ATP6V1C2: variants seen among roughly 807,000 people sequenced by gnomAD.
ATP6V1C2 encodes the protein V-type proton ATPase subunit C 2.
ATP6V1C2 carries 45 observed loss-of-function variants against 56.8 expected under a neutral mutation model. The ratio of observed to expected loss-of-function variants is 0.79; its 90% CI spans 0.62 to 1.02. The LOEUF (loss-of-function observed/expected upper bound fraction) is 1.02. Ranked by LOEUF, ATP6V1C2 falls within the 50% of genes least tolerant of loss-of-function variation. The probability of loss-of-function intolerance (pLI) is 0.00; values close to 1 mark genes in which losing one functional copy is unlikely to be tolerated. For synonymous variants in ATP6V1C2, 220 were observed against 201.3 expected, an observed-to-expected ratio of 1.09 and a Z score of -0.79; for missense variants, 463 against 519.7, an observed-to-expected ratio of 0.89 and a Z score of 1.06.
At position 10,772,555 on chromosome 2, in the gene ATP6V1C2, C is replaced by T. The variant is rs1664691229; in HGVS notation, c.583C>T (p.Gln195Ter). The change falls in exon 8 of 14, where the codon CAA becomes TAA. Residue 195 changes from glutamine to a stop codon, truncating the protein, a stop_gained. Coordinates refer to ENST00000272238, the MANE Select transcript of ATP6V1C2 (RefSeq NM_001039362.2). LOFTEE classifies it high-confidence loss of function. ...LVIVPKPNYS[Q>*]WQKTYESLSD... ...ATGTTCTTGCAGACCAAACTACTCA[C>T]AATGGCAAAAAACCTACGAATCTCT... 1.2e-6 allele frequency: 2 copies of T among 1,614,024 alleles called. No homozygotes were observed. The highest frequency in any genetic ancestry group is 2.2e-5 in the East Asian group (1 of 44,874).
intron 11 of ATP6V1C2, chr2:10,778,347 C>T (rs1297364059): frequency 1.4e-5 from 8 of 558,346 alleles, no homozygotes; most frequent in South Asian, 4.0e-5. Flanking sequence ...GTGGTGGCCC[C>T]GTGCATGCAC....
intron 3 of ATP6V1C2, among the ~76,000 whole-genome samples, chr2:10,753,732 T>C (rs1260264187): frequency 1.3e-5 from 2 of 152,082 alleles, no homozygotes; most frequent in Non-Finnish European, 1.5e-5. Context: ...GGTTTCACCA[T>C]GTTGGCCAGG....
chr2:10,721,570 T>G (rs74171495), upstream of ATP6V1C2: 143,896 of 152,040 alleles, frequency 0.95, 68,592 homozygotes, highest in East Asian at 1. Context: ...GCAAATATCC[T>G]GCGGGGCCGG....
chr2:10,737,923 A>G (rs1662346896), intron 3 of ATP6V1C2, among the ~76,000 whole-genome samples: 1 of 152,108 alleles, frequency 6.6e-6, no homozygotes, highest in Admixed American at 6.6e-5. Context: ...CGAACTCCTG[A>G]CCTCAAGTGA....
In ATP6V1C2 at chr2:10,726,559, T is replaced by C; in HGVS notation, c.187T>C (p.Phe63Leu). Residue 63 changes from phenylalanine to leucine, a missense_variant, in exon 3 of 14, where the codon TTT (phenylalanine) becomes CTT (leucine). By Grantham distance (22) the Phe-to-Leu change is conservative. Transcript: ENST00000272238. The part of the protein sequence containing the change: ...LSDELGKLDT[F>L]AESLIRRMAQ... The stretch of plus-strand genomic sequence containing the variant: ...TGATGAGTTGGGGAAACTCGACACC[T>C]TTGCTGAAAGGTAAAATATTCCTTA... The C allele has an allele frequency of 6.2e-7, 1 of 1,613,514 alleles. No homozygotes were observed. The highest frequency in any genetic ancestry group is 8.5e-7 in the Non-Finnish European group (1 of 1,179,420).
At chr2:10,731,587 A>C (rs1661954885) in intron 3 of ATP6V1C2, among the ~76,000 whole-genome samples, 1 of 152,228 alleles carries the variant, frequency 6.6e-6, no homozygotes, top group African/African-American at 2.4e-5. Flanking sequence ...AGAACAGCCC[A>C]CTGCCCTAGG....
At chr2:10,726,005 A>G (rs1239438441) in intron 2 of ATP6V1C2, among the ~76,000 whole-genome samples, 1 of 151,982 alleles carries the variant, frequency 6.6e-6, no homozygotes, top group Non-Finnish European at 1.5e-5. Context: ...ACTTGAATCC[A>G]GGAGGCGGAG....
intron 5 of ATP6V1C2, among the ~76,000 whole-genome samples, chr2:10,766,814 ACTT>A (rs944098806): frequency 9.2e-5 from 14 of 152,078 alleles, no homozygotes; most frequent in African/African-American, 3.4e-4. Context: ...TGTACAGTAT[ACTT>A]CTATCGTGCA....
rs1665265409 is a variant in ATP6V1C2, at chr2:10,780,257, C to T, written c.1061+1588C>T. On this transcript the variant is annotated intron_variant, in intron 12 of 13. Transcript: ENST00000272238. The surrounding 1 kb of genome is among the most constrained non-coding windows in gnomAD (Gnocchi z 4.1). ...CTCCTCATCCTTCCCCTTATCAGAC[C>T]CCAAACTTCAGGGTCAGTTTAGACA... 6.6e-6 allele frequency among the ~76,000 whole-genome samples: 1 copy of T among 152,160 alleles called. No homozygotes were observed. The highest frequency in any genetic ancestry group is 2.4e-5 in the African/African-American group (1 of 41,422).
intron 3 of ATP6V1C2, among the ~76,000 whole-genome samples, chr2:10,728,759 A>C (rs1173081890): frequency 7.3e-6 from 1 of 136,820 alleles, no homozygotes. Context: ...TGGGCGAAAG[A>C]GTGACACCCT....
chr2:10,769,186 C>T (rs115143461), intron 6 of ATP6V1C2, among the ~76,000 whole-genome samples: 214 of 152,332 alleles, frequency 1.4e-3, no homozygotes, highest in African/African-American at 4.9e-3. Context: ...CGTTGCAAAG[C>T]GCAGCAGGGT....
At chr2:10,723,902 C>G (rs1176359842) in intron 2 of ATP6V1C2, among the ~76,000 whole-genome samples, 1 of 149,434 alleles carries the variant, frequency 6.7e-6, no homozygotes, top group Non-Finnish European at 1.5e-5. Context: ...GCTGGGATTA[C>G]AGGCGTGTGC....
In ATP6V1C2 at chr2:10,777,714, G is replaced by A. The variant is rs189616842; in HGVS notation, c.955G>A (p.Glu319Lys). 171 of 1,611,404 alleles carry A rather than the reference G, an allele frequency of 1.1e-4. No individual in the cohort carries two copies. The African/African-American group carries it at 1.9e-3, about 18-fold the overall frequency. The change falls in exon 11 of 14, where the codon GAG becomes AAG. Residue 319 changes from glutamate (E) to lysine (K), a missense_variant. Glu to Lys is a moderately conservative substitution (Grantham distance 56, BLOSUM62 1). Transcript: ENST00000272238. ...CGACAGAGAGAGAGAGAGTGAGGGCGAGGGTGAGGTAAGCAACGCCCCGGG... is the reference window on the plus strand; with the variant it reads ...CGACAGAGAGAGAGAGAGTGAGGGCAAGGGTGAGGTAAGCAACGCCCCGGG... ...QTDRERESEG[E>K]GEGPLLRWLK...
intron 3 of ATP6V1C2, among the ~76,000 whole-genome samples, chr2:10,750,915 T>C (rs1663172726): frequency 1.3e-5 from 2 of 152,238 alleles, no homozygotes; most frequent in South Asian, 4.1e-4. Context: ...TTGTTAGTGC[T>C]TGGCGCATAG....
upstream of ATP6V1C2, among the ~76,000 whole-genome samples, chr2:10,721,247 C>G (rs1245645466): frequency 6.6e-6 from 1 of 152,180 alleles, no homozygotes; most frequent in Non-Finnish European, 1.5e-5. Context: ...CCGCGCATGT[C>G]TCTGTGAGGC....
intron 5 of ATP6V1C2, 85 bp from the exon 6 acceptor site, chr2:10,768,634 C>T (rs996681852): frequency 1.6e-5 from 17 of 1,067,692 alleles, no homozygotes; most frequent in African/African-American, 1.4e-4. Flanking sequence ...TTGAAAGCAC[C>T]ATGAGCTGTT....
At chr2:10,757,994 A>G (rs1480917797) in intron 4 of ATP6V1C2, among the ~76,000 whole-genome samples, 1 of 152,236 alleles carries the variant, frequency 6.6e-6, no homozygotes, top group African/African-American at 2.4e-5. Flanking sequence ...AGAATTAAAA[A>G]TAGCAAATCA....
chr2:10,725,804 G>T (rs924043414), intron 2 of ATP6V1C2, among the ~76,000 whole-genome samples: 1 of 151,788 alleles, frequency 6.6e-6, no homozygotes, highest in East Asian at 2.0e-4. Context: ...GTGGGGCCGG[G>T]TGCAGTGGCT....
chr2:10,768,297 C>T (rs1280473140), intron 5 of ATP6V1C2: 1 of 185,512 alleles, frequency 5.4e-6, no homozygotes, highest in African/African-American at 2.4e-5. Flanking sequence ...ACCTCCCTGC[C>T]CCTGCCAACC....
Sources: gnomAD v4.1 joint callset for allele counts (sites outside exome capture counted in the v4.1 genomes callset) on GRCh38, gnomAD v4.1.1 for gene constraint, Gnocchi (gnomAD v3.1) non-coding constraint, MANE v1.5 for transcripts, NCBI Gene and HGNC (gene_info 2026-07-23, HGNC 2026-07-21) for gene names.